MARCHF8: variants seen among roughly 807,000 people sequenced by gnomAD.
MARCHF8 encodes the protein E3 ubiquitin-protein ligase MARCHF8.
MARCHF8 carries 40 observed loss-of-function variants against 51.6 expected under a neutral mutation model. The ratio of observed to expected loss-of-function variants is 0.77; its 90% CI spans 0.60 to 1.01. MARCHF8 has a LOEUF of 1.01. Among genes scored for constraint, MARCHF8 ranks in the 50% least tolerant of loss-of-function variants. MARCHF8 has a pLI of 0.00. For missense variants in MARCHF8, 685 were observed against 708.6 expected, an observed-to-expected ratio of 0.97 and a Z score of 0.38; for synonymous variants, 263 against 280.3, an observed-to-expected ratio of 0.94 and a Z score of 0.62.
intron 3 of MARCHF8, among the ~76,000 whole-genome samples, chr10:45,471,452 T>C (rs2042687547): frequency 6.6e-6 from 1 of 152,208 alleles, no homozygotes; most frequent in South Asian, 2.1e-4. Context: ...AAACTAAAGA[T>C]GTAACCATAT....
intron 1 of MARCHF8, among the ~76,000 whole-genome samples, chr10:45,580,100 G>T (rs1200344798): frequency 6.7e-6 from 1 of 148,588 alleles, no homozygotes; most frequent in African/African-American, 2.5e-5. Flanking sequence ...AATTTATGCT[G>T]AAGATATTCA....
At chr10:45,552,940 T>A (rs1160041412) in intron 1 of MARCHF8, among the ~76,000 whole-genome samples, 1 of 152,174 alleles carries the variant, frequency 6.6e-6, no homozygotes, top group African/African-American at 2.4e-5. Flanking sequence ...GCTACAAAAG[T>A]AAGAAGTTAC....
At chr10:45,520,644 C>T (rs2043691086) in intron 2 of MARCHF8, among the ~76,000 whole-genome samples, 2 of 152,166 alleles carry the variant, frequency 1.3e-5, no homozygotes, top group African/African-American at 4.8e-5. Flanking sequence ...TTCTTATGTT[C>T]TAAGAATTTA....
chr10:45,572,176 C>G (rs2044437226), intron 1 of MARCHF8, among the ~76,000 whole-genome samples: 1 of 135,510 alleles, frequency 7.4e-6, no homozygotes, highest in Non-Finnish European at 1.7e-5. Flanking sequence ...TACCCCTTCT[C>G]TCTGTGTCCC....
intron 3 of MARCHF8, among the ~76,000 whole-genome samples, chr10:45,469,781 C>G (rs377607778): frequency 7.6e-6 from 1 of 132,006 alleles, no homozygotes; most frequent in South Asian, 2.6e-4. Flanking sequence ...AGGTGAATGG[C>G]GTGAACCCGG....
In MARCHF8 at chr10:45,533,139, T is replaced by C; in HGVS notation, c.73A>G (p.Lys25Glu). The C allele has an allele frequency of 6.2e-7, 1 of 1,611,578 alleles. No homozygotes were observed. The highest frequency in any genetic ancestry group is 8.5e-7 in the Non-Finnish European group (1 of 1,178,952). ...DAISARVYRS[K>E]TKEKEREEQN... ...TCTTCCCTCTCCTTTTCTTTGGTCTTACTTCTGTAGACTCTAGCAGAGATG... is the reference window on the plus strand; with the variant it reads ...TCTTCCCTCTCCTTTTCTTTGGTCTCACTTCTGTAGACTCTAGCAGAGATG... Residue 25 changes from lysine (K) to glutamate (E), a missense_variant, in exon 2 of 8, where the codon AAG becomes GAG. Lys to Glu is a moderately conservative substitution (Grantham distance 56). Transcript: ENST00000453424.
intron 3 of MARCHF8, among the ~76,000 whole-genome samples, chr10:45,487,809 A>G (rs563351179): frequency 1.3e-5 from 2 of 152,284 alleles, no homozygotes; most frequent in East Asian, 1.9e-4. Context: ...ACATATATGT[A>G]GTCAGCACAT....
chr10:45,547,381 C>T (rs928657658), intron 1 of MARCHF8, among the ~76,000 whole-genome samples: 5 of 152,102 alleles, frequency 3.3e-5, no homozygotes, highest in Admixed American at 6.6e-5. Flanking sequence ...AATCAACTTG[C>T]CCAAGCTTTC....
intron 5 of MARCHF8, among the ~76,000 whole-genome samples, chr10:45,462,827 C>T (rs35735968): frequency 0.061 from 9,340 of 151,920 alleles, 328 homozygotes; most frequent in Non-Finnish European, 0.067. Context: ...GGTTTCGCCA[C>T]GTTGGCCAAG....
chr10:45,576,987 A>G (rs972523639), intron 1 of MARCHF8, among the ~76,000 whole-genome samples: 5 of 139,654 alleles, frequency 3.6e-5, no homozygotes, highest in Non-Finnish European at 7.9e-5. Flanking sequence ...AAAAAAAAAA[A>G]AAAGAAACTT....
At chr10:45,563,267 TCCTCCTGCCTCGG>T (rs1217810513) in intron 1 of MARCHF8, among the ~76,000 whole-genome samples, 1 of 152,124 alleles carries the variant, frequency 6.6e-6, no homozygotes, top group Non-Finnish European at 1.5e-5. Flanking sequence ...CCTCAAGCAA[TCCTCCTGCCTCGG>T]CCTCCCAAAG....
chr10:45,546,805 C>A (rs1328175192), intron 1 of MARCHF8, among the ~76,000 whole-genome samples: 2 of 150,986 alleles, frequency 1.3e-5, no homozygotes, highest in African/African-American at 4.9e-5. Context: ...AAGTTAACTA[C>A]CAGAAAATAT....
chr10:45,593,502 A>C (rs567075932), intron 1 of MARCHF8: 2 of 152,344 alleles, frequency 1.3e-5, no homozygotes, highest in East Asian at 3.9e-4. Flanking sequence ...ATGACTCTCA[A>C]CGACTTGAGT....
intron 3 of MARCHF8, among the ~76,000 whole-genome samples, chr10:45,477,514 T>TA (rs1197363204): frequency 6.6e-5 from 10 of 152,018 alleles, no homozygotes; most frequent in African/African-American, 2.4e-4. Context: ...AAACAAAGGA[T>TA]ATACAAAACC....
chr10:45,585,169 C>G (rs35183191), intron 1 of MARCHF8, among the ~76,000 whole-genome samples: 9,390 of 152,200 alleles, frequency 0.062, 332 homozygotes, highest in Non-Finnish European at 0.067. Context: ...TACACAGCAA[C>G]AGAAAACTAC....
At chr10:45,494,139 A>G (rs1298845045) in intron 2 of MARCHF8, among the ~76,000 whole-genome samples, 1 of 152,204 alleles carries the variant, frequency 6.6e-6, no homozygotes, top group East Asian at 1.9e-4. Context: ...CTACCAGATC[A>G]CAAAGATAAA....
chr10:45,498,250 T>C lies in MARCHF8; in HGVS notation c.103-8833A>G, dbSNP rs141300372. Among the ~76,000 whole-genome samples, 669 of 152,322 alleles carry C rather than the reference T, an allele frequency of 4.4e-3. 3 individuals carry two copies. The highest frequency in any genetic ancestry group is 0.015 in the African/African-American group (638 of 41,574). On this transcript the variant is annotated intron_variant, in intron 2 of 7. Coordinates refer to ENST00000453424, the MANE Select transcript of MARCHF8 (RefSeq NM_001282866.2). ...AGTATATTCACATTGTTGCACAATC[T>C]ACAGAACTTTTTCATCTTGCAAAAA... is the stretch of plus-strand genomic sequence containing the variant.
At chr10:45,572,890 T>C (rs1385864378) in intron 1 of MARCHF8, among the ~76,000 whole-genome samples, 1 of 152,018 alleles carries the variant, frequency 6.6e-6, no homozygotes, top group East Asian at 1.9e-4. Flanking sequence ...CATTTTTTCC[T>C]CAGCCTCCGC....
At chr10:45,494,003 G>A (rs1013303691) in intron 2 of MARCHF8, among the ~76,000 whole-genome samples, 2 of 152,150 alleles carry the variant, frequency 1.3e-5, no homozygotes, top group African/African-American at 4.8e-5. Flanking sequence ...AAATTCCTAT[G>A]TAAAAGATGG....
Sources: gnomAD v4.1 joint callset for allele counts (sites outside exome capture counted in the v4.1 genomes callset) on GRCh38, gnomAD v4.1.1 for gene constraint, MANE v1.5 for transcripts, NCBI Gene and HGNC (gene_info 2026-07-23, HGNC 2026-07-21) for gene names.